PLA2G5: variants seen among roughly 807,000 people sequenced by gnomAD.
The protein encoded by PLA2G5 is Ca2+-dependent phospholipase A2.
A neutral mutation model predicts 15.9 loss-of-function variants in PLA2G5; 12 were observed. The ratio of observed to expected loss-of-function variants is 0.76; its 90% CI spans 0.48 to 1.23. The LOEUF (loss-of-function observed/expected upper bound fraction) is 1.23, where lower values mean the gene tolerates loss of function less well. Ranked by LOEUF, PLA2G5 falls within the 50% of genes most tolerant of loss-of-function variation. The probability of loss-of-function intolerance (pLI) is 0.00; values close to 1 mark genes in which losing one functional copy is unlikely to be tolerated. For missense variants in PLA2G5, 169 were observed against 177.1 expected, an observed-to-expected ratio of 0.95 and a Z score of 0.26; for synonymous variants, 71 against 71.4, an observed-to-expected ratio of 0.99 and a Z score of 0.03.
chr1:20,061,754 G>C (rs1288121230), intron 2 of PLA2G5, among the ~76,000 whole-genome samples: 2 of 152,150 alleles, frequency 1.3e-5, no homozygotes, highest in Non-Finnish European at 2.9e-5. Context: ...CAATAATCCA[G>C]CCCTCTGCCT....
chr1:20,079,432 G>C (rs554542019), intron 1 of PLA2G5, among the ~76,000 whole-genome samples: 28 of 152,326 alleles, frequency 1.8e-4, no homozygotes, highest in African/African-American at 5.8e-4. Flanking sequence ...AGCTGATATA[G>C]AGCCTGTGAT....
intron 1 of PLA2G5, among the ~76,000 whole-genome samples, chr1:20,055,879 A>G (rs2014406175): frequency 6.6e-6 from 1 of 152,204 alleles, no homozygotes; most frequent in Non-Finnish European, 1.5e-5. Flanking sequence ...CTGCAACAGC[A>G]TGTTGAACAG....
intron 1 of PLA2G5, among the ~76,000 whole-genome samples, chr1:20,083,629 C>A (rs534667998): frequency 2.0e-5 from 3 of 151,966 alleles, no homozygotes; most frequent in Admixed American, 2.0e-4. Flanking sequence ...CTGTTTTTAC[C>A]AAAGACAGAT....
chr1:20,082,313 C>T (rs1389711967), intron 1 of PLA2G5, among the ~76,000 whole-genome samples: 1 of 151,828 alleles, frequency 6.6e-6, no homozygotes, highest in African/African-American at 2.4e-5. Flanking sequence ...TCCGCACGCT[C>T]AGTGACCTGC....
chr1:20,049,256 A>G (rs2014064993), intron 1 of PLA2G5, among the ~76,000 whole-genome samples: 1 of 152,190 alleles, frequency 6.6e-6, no homozygotes, highest in African/African-American at 2.4e-5. Context: ...TGTGTAAGTC[A>G]CAATAAGAGG....
At chr1:20,084,422 G>A (rs1207467528) in intron 1 of PLA2G5, among the ~76,000 whole-genome samples, 2 of 152,112 alleles carry the variant, frequency 1.3e-5, no homozygotes, top group Non-Finnish European at 1.5e-5. Context: ...TTTTTCTTCC[G>A]TCTTACATCT....
At chr1:20,074,617 C>G (rs1021432802) in intron 1 of PLA2G5, among the ~76,000 whole-genome samples, 12 of 152,124 alleles carry the variant, frequency 7.9e-5, no homozygotes, top group African/African-American at 2.7e-4. Flanking sequence ...CAGTGCCCAC[C>G]TCCCATGCGA....
At chr1:20,036,766 A>G (rs543435514) in intron 1 of PLA2G5, among the ~76,000 whole-genome samples, 1 of 152,252 alleles carries the variant, frequency 6.6e-6, no homozygotes, top group African/African-American at 2.4e-5. Context: ...CCTGGGTTCA[A>G]GTGATTTTCC....
chr1:20,051,664 A>G (rs2014182956), intron 1 of PLA2G5, among the ~76,000 whole-genome samples: 1 of 152,238 alleles, frequency 6.6e-6, no homozygotes, highest in South Asian at 2.1e-4. Context: ...ATAATAGGAC[A>G]CAATTGGAGA....
At chr1:20,055,459 G>T (rs1464491127) in intron 1 of PLA2G5, among the ~76,000 whole-genome samples, 1 of 152,092 alleles carries the variant, frequency 6.6e-6, no homozygotes. Flanking sequence ...CCTCTGCTTT[G>T]TGTCCAGCTT....
chr1:20,052,173 C>CAAAAA (rs34853506), intron 1 of PLA2G5, among the ~76,000 whole-genome samples: 2 of 102,482 alleles, frequency 2.0e-5, no homozygotes, highest in Non-Finnish European at 2.0e-5. Flanking sequence ...GACTCCATCT[C>CAAAAA]AAAAAAAAAA....
At chr1:20,068,034 G>T (rs1055334462), upstream of PLA2G5, among the ~76,000 whole-genome samples, 1 of 151,428 alleles carries the variant, frequency 6.6e-6, no homozygotes, top group Non-Finnish European at 1.5e-5. Flanking sequence ...CAGCAGAATC[G>T]CTTGAACCTG....
chr1:20,070,635 C>G (rs1044073846), intron 1 of PLA2G5, among the ~76,000 whole-genome samples, 170 bp downstream of exon 1: 1 of 152,102 alleles, frequency 6.6e-6, no homozygotes, highest in African/African-American at 2.4e-5. Context: ...GGTCCTTCAC[C>G]TGTCATTGTC....
In PLA2G5 at chr1:20,070,248, C is replaced by T. The variant is rs116287501; in HGVS notation, c.-228C>T. 1,407 of 985,528 alleles carry T rather than the reference C, an allele frequency of 1.4e-3. 12 individuals are homozygous for T. The African/African-American group carries it at 0.017, about 12-fold the overall frequency. 61.0% of individuals were successfully genotyped at this position (985,528 alleles called of 1,614,324 possible). ...CTGGGTCCAGGCAGAAGTTTTTCCT[C>T]CCCACCTCCGGGTTTGTCCTCATCA... On this transcript the variant is annotated 5_prime_UTR_variant, in exon 1 of 5. Transcript: ENST00000375108.
At chr1:20,080,993 G>A (rs1031113288) in intron 1 of PLA2G5, among the ~76,000 whole-genome samples, 11 of 152,000 alleles carry the variant, frequency 7.2e-5, no homozygotes, top group African/African-American at 1.7e-4. Flanking sequence ...ATGAGGCTCC[G>A]CACTGTGCGT....
At chr1:20,081,200 T>C (rs745448461) in intron 1 of PLA2G5, among the ~76,000 whole-genome samples, 1 of 151,706 alleles carries the variant, frequency 6.6e-6, no homozygotes, top group Non-Finnish European at 1.5e-5. Context: ...GCTTCCTCTC[T>C]GTGGTCGTTT....
Position 20,090,798 on chromosome 1 carries a change from C to G in PLA2G5, c.*106C>G, listed in dbSNP as rs1161463654. 6 of 1,198,680 alleles carry G rather than the reference C, an allele frequency of 5.0e-6. No homozygotes were observed. The highest frequency in any genetic ancestry group is 4.9e-6 in the Non-Finnish European group (4 of 822,822). 74.3% of individuals were successfully genotyped at this position (1,198,680 alleles called of 1,614,324 possible). ...TGAGAGAGGCTCCTAAGTCACAGACCTCAGTCTTTCTCGAAGCTTGGCGGA... is the reference window on the plus strand; with the variant it reads ...TGAGAGAGGCTCCTAAGTCACAGACGTCAGTCTTTCTCGAAGCTTGGCGGA... On this transcript the variant is annotated 3_prime_UTR_variant, in exon 5 of 5. Transcript: ENST00000375108.
chr1:20,077,359 A>T (rs950653216), intron 1 of PLA2G5, among the ~76,000 whole-genome samples: 5 of 152,164 alleles, frequency 3.3e-5, no homozygotes, highest in Non-Finnish European at 7.3e-5. Context: ...TCTATCTATC[A>T]TCTGTCTATC....
rs2013237301 is a variant in PLA2G5, at chr1:20,036,084, G to A, written n.276+7375G>A. Among the ~76,000 whole-genome samples, 5 of 152,316 alleles carry A rather than the reference G, an allele frequency of 3.3e-5. No homozygotes were observed. The South Asian group carries it at 1.0e-3, about 32-fold the overall frequency. On this transcript the variant is annotated intron_variant and non_coding_transcript_variant, in intron 1 of 6. Transcript: ENST00000460175. ...ATACAACCCCAATCCCTTCTAGCTTGTAGGGTTTCTGCTGAGAAATCTGCT... is the reference window on the plus strand; with the variant it reads ...ATACAACCCCAATCCCTTCTAGCTTATAGGGTTTCTGCTGAGAAATCTGCT...
Sources: gnomAD v4.1 joint callset for allele counts (sites outside exome capture counted in the v4.1 genomes callset) on GRCh38, gnomAD v4.1.1 for gene constraint, MANE v1.5 for transcripts, NCBI Gene and HGNC (gene_info 2026-07-23, HGNC 2026-07-21) for gene names.